The following PIP4P1 variants were observed in gnomAD, a reference collection of about 807,000 sequenced individuals.
PIP4P1 encodes type 1 phosphatidylinositol 4,5-bisphosphate 4-phosphatase.
In PIP4P1, 14 loss-of-function variants were observed where a neutral mutation model predicts 32.3. The ratio of observed to expected loss-of-function variants is 0.43; its 90% CI spans 0.29 to 0.68. The LOEUF (loss-of-function observed/expected upper bound fraction) is 0.68, where lower values mean the gene tolerates loss of function less well. Among genes scored for constraint, PIP4P1 ranks in the 30% least tolerant of loss-of-function variants. PIP4P1 has a pLI of 0.15. For missense variants in PIP4P1, 289 were observed against 364.5 expected (o/e 0.79, Z 1.69); for synonymous variants, 132 against 137.9 (o/e 0.96, Z 0.30).
rs1238907791 is a variant in PIP4P1 at position 20,461,242 on chromosome 14, G to T, written c.84C>A (p.Gly28=). Residue 28 remains glycine, a synonymous_variant, in exon 1 of 7, where the codon GGC becomes GGA. Transcript: ENST00000250489. ...CTCCCCCGGGCCCAGCCCCACTCCC[G>T]CCGGGCCCCACTAAACCGTTGCCGC... ...GAGGNGLVGP[G]GSGAGPGGGL... is the part of the protein sequence containing the mutation. The T allele has an allele frequency of 1.6e-6, 2 of 1,265,344 alleles. No individual in the cohort carries two copies. The highest frequency in any genetic ancestry group is 2.0e-6 in the Non-Finnish European group (2 of 1,000,656). 78.4% of individuals were successfully genotyped at this position (1,265,344 alleles called of 1,614,324 possible). A position where few individuals can be genotyped will look rare whatever the true frequency, so the allele number is the denominator to read the frequency against.
At position 20,461,428 on chromosome 14, in the gene PIP4P1, G is replaced by T; in HGVS notation, c.-103C>A. On this transcript the variant is annotated 5_prime_UTR_variant, in exon 1 of 7. Transcript: ENST00000250489. ...GCCGCCACCGCCACCGCCGCTACCGGGTCCCCAGGGCGCCTGCGCGCCGCG... is the reference window on the plus strand; with the variant it reads ...GCCGCCACCGCCACCGCCGCTACCGTGTCCCCAGGGCGCCTGCGCGCCGCG... 2 of 1,165,640 alleles carry T rather than the reference G, an allele frequency of 1.7e-6. No homozygotes were observed. The highest frequency in any genetic ancestry group is 2.2e-6 in the Non-Finnish European group (2 of 928,314). 72.2% of individuals were successfully genotyped at this position (1,165,640 alleles called of 1,614,324 possible).
In PIP4P1 at chr14:20,461,391, G is replaced by C; in HGVS notation, c.-66C>G. The C allele has an allele frequency of 8.1e-7, 1 of 1,228,160 alleles. No homozygotes were observed. Among genetic ancestry groups the C allele is most frequent in the Non-Finnish European group, 1.0e-6 (1 of 983,780 alleles). The allele number at this position is 1,228,160 out of a possible 1,614,324, so 76.1% of individuals were successfully genotyped here. A position where few individuals can be genotyped will look rare whatever the true frequency, so the allele number is the denominator to read the frequency against. On this transcript the variant is annotated 5_prime_UTR_variant, in exon 1 of 7. Transcript: ENST00000250489. Reference sequence around the variant, plus strand: ...TCCCTTCGCCTCTGCCGTCGCCGCAGCCACCGCCACCGCCGCCACCGCCAC... The same window carrying C: ...TCCCTTCGCCTCTGCCGTCGCCGCACCCACCGCCACCGCCGCCACCGCCAC...
rs533957544 is a variant in PIP4P1 at position 20,460,828 on chromosome 14, C to T, written c.160G>A (p.Glu54Lys). The change falls in exon 2 of 7, where the codon GAG becomes AAG. Residue 54 changes from glutamate (E) to lysine (K), a missense_variant. By Grantham distance (56) the Glu-to-Lys change is moderately conservative (BLOSUM62 1). Around this residue, in one of 2 missense-constraint regions of PIP4P1, gnomAD observed 108 missense variants for 101.2 expected, o/e 1.07. Coordinates refer to ENST00000250489, the MANE Select transcript of PIP4P1 (RefSeq NM_144568.4). ...PYGAAFPPFP[E>K]GHPAVLPGED... ...CCAGGCAACACGGCTGGATGCCCCT[C>T]GGGAAACGGGGGAAATGCTGGAGAG... 29 of 1,556,476 alleles carry T rather than the reference C, an allele frequency of 1.9e-5. No individual in the cohort carries two copies. The South Asian group carries it at 3.4e-4, about 18-fold the overall frequency.
chr14:20,459,344 T>A, intron 5 of PIP4P1, 44 bp downstream of exon 5: 1 of 1,614,214 alleles, frequency 6.2e-7, no homozygotes, highest in East Asian at 2.2e-5. Context: ...CCTTGTAGTT[T>A]TTACTCCATA....
intron 6 of PIP4P1, 93 bp from the exon 7 acceptor site, chr14:20,458,795 G>A (rs1255285045): frequency 1.1e-5 from 16 of 1,473,840 alleles, no homozygotes; most frequent in South Asian, 6.8e-5. Context: ...AATAACTCAC[G>A]CTTCAGTCCT....
chr14:20,459,301 G>A lies in PIP4P1; in HGVS notation c.600-5C>T, dbSNP rs201973492. The A allele has an allele frequency of 2.8e-3, 4,471 of 1,614,090 alleles. 11 individuals are homozygous for A. The highest frequency in any genetic ancestry group is 3.4e-3 in the Non-Finnish European group (4,039 of 1,180,036). ...TATCTGCGCCCAATAGATGACCTGT[G>A]GGGAGGCAAATAGAAATGGATGCTT... On this transcript the variant is annotated splice_region_variant and splice_polypyrimidine_tract_variant and intron_variant, in intron 5 of 6. Coordinates refer to ENST00000250489, the MANE Select transcript of PIP4P1 (RefSeq NM_144568.4).
In PIP4P1 at chr14:20,458,715, AGGAG is replaced by A. The variant is rs1881572823; in HGVS notation, c.691-17_691-14del. 6.2e-7 allele frequency: 1 copy of A among 1,605,844 alleles called. No homozygotes were observed. The highest frequency in any genetic ancestry group is 8.5e-7 in the Non-Finnish European group (1 of 1,176,748). ...TCCATGTGCCAAACTGATGAAGATA[AGGAG>A]GGAGAAGAAAAGAAAGATGGGGTTA... On this transcript the variant is annotated splice_polypyrimidine_tract_variant and intron_variant, in intron 6 of 6. Coordinates refer to ENST00000250489, the MANE Select transcript of PIP4P1 (RefSeq NM_144568.4).
In PIP4P1 at chr14:20,461,286, G is replaced by C. The variant is rs1881702745; in HGVS notation, c.40C>G (p.Pro14Ala). 1.3e-5 allele frequency: 17 copies of C among 1,291,588 alleles called. No individual in the cohort carries two copies. The highest frequency in any genetic ancestry group is 3.4e-5 in the South Asian group (1 of 29,274). The allele number at this position is 1,291,588 out of a possible 1,614,324, so 80.0% of individuals were successfully genotyped here. A position where few individuals can be genotyped will look rare whatever the true frequency, so the allele number is the denominator to read the frequency against. The change falls in exon 1 of 7, where the codon CCC becomes GCC. Residue 14 changes from proline to alanine, a missense_variant. Physicochemically the swap from Pro to Ala is conservative, Grantham distance 27 (BLOSUM62 -1). Coordinates refer to ENST00000250489, the MANE Select transcript of PIP4P1 (RefSeq NM_144568.4). ...DGERSPLLSEPIDGGAGGNGL... is the reference protein window; with the variant it reads ...DGERSPLLSEAIDGGAGGNGL... ...TTGCCGCCCGCGCCACCGTCGATGG[G>C]CTCAGACAGCAGCGGGGAACGCTCT... is the stretch of plus-strand genomic sequence containing the variant.
intron 3 of PIP4P1, 144 bp downstream of exon 3, chr14:20,460,048 A>C: frequency 1.4e-6 from 1 of 703,986 alleles, no homozygotes; most frequent in Non-Finnish European, 2.6e-6. Flanking sequence ...AAAGACAGCT[A>C]TAACATTCCT....
In PIP4P1 at chr14:20,460,494, T is replaced by A. The variant is rs151042731; in HGVS notation, c.333+161A>T. 956 of 802,494 alleles carry A rather than the reference T, an allele frequency of 1.2e-3. 6 individuals are homozygous for A. In the African/African-American group the frequency reaches 0.014, roughly 11 times the overall value. The allele number at this position is 802,494 out of a possible 1,614,324, so 49.7% of individuals were successfully genotyped here. A position where few individuals can be genotyped will look rare whatever the true frequency, so the allele number is the denominator to read the frequency against. The stretch of plus-strand genomic sequence containing the variant: ...GAGAGAAAGTGAACATTAGCTTTGG[T>A]GAGTGGCTTCTGGGGAAATGGCTGT... On this transcript the variant is annotated intron_variant, in intron 2 of 6. Transcript: ENST00000250489.
At chr14:20,460,005 C>A (rs1187410882) in intron 3 of PIP4P1, 187 bp downstream of exon 3, 2 of 637,326 alleles carry the variant, frequency 3.1e-6, no homozygotes, top group Non-Finnish European at 5.6e-6. Flanking sequence ...GAAACGACAT[C>A]ATTTCATCTC....
intron 3 of PIP4P1, 65 bp from the exon 4 acceptor site, chr14:20,459,798 C>G: frequency 7.8e-7 from 1 of 1,287,042 alleles, no homozygotes; most frequent in South Asian, 1.2e-5. Flanking sequence ...TCCTAAAAAT[C>G]TTCACAGTCC....
At position 20,459,269 on chromosome 14, in the gene PIP4P1, AC is replaced by A; in HGVS notation, c.626del (p.Arg209LeufsTer59). On this transcript the variant is annotated frameshift_variant, in exon 6 of 7. Coordinates refer to ENST00000250489, the MANE Select transcript of PIP4P1 (RefSeq NM_144568.4). LOFTEE classifies it high-confidence loss of function. ...KVSSIGRRYP[R>X]KRCICCFLLG... Reference sequence around the variant, plus strand: ...GCAAGAAGCAGCAGATACATCTCTTACGTGGGTATCTGCGCCCAATAGATGA... The same window carrying A: ...GCAAGAAGCAGCAGATACATCTCTTAGTGGGTATCTGCGCCCAATAGATGA... 5 of 1,614,268 alleles carry A rather than the reference AC, an allele frequency of 3.1e-6. No individual in the cohort carries two copies. Among genetic ancestry groups the A allele is most frequent in the Non-Finnish European group, 4.2e-6 (5 of 1,180,046 alleles).
rs376803423 is a variant in PIP4P1, at chr14:20,460,643, T to G, written c.333+12A>C. On this transcript the variant is annotated intron_variant, in intron 2 of 6. Coordinates refer to ENST00000250489, the MANE Select transcript of PIP4P1 (RefSeq NM_144568.4). ...GGAAACAGGGCCCATTTCATAGATA[T>G]GTGTAACTCACGGTGGCTTCATTGC... The G allele has an allele frequency of 1.5e-5, 24 of 1,612,286 alleles. No individual in the cohort carries two copies. The highest frequency in any genetic ancestry group is 1.3e-4 in the East Asian group (6 of 44,896).
At position 20,461,296 on chromosome 14, in the gene PIP4P1, C is replaced by T; in HGVS notation, c.30G>A (p.Leu10=). The T allele has an allele frequency of 7.7e-7, 1 of 1,291,468 alleles. No individual in the cohort carries two copies. The highest frequency in any genetic ancestry group is 3.4e-5 in the South Asian group (1 of 29,414). 80.0% of individuals were successfully genotyped at this position (1,291,468 alleles called of 1,614,324 possible). A position where few individuals can be genotyped will look rare whatever the true frequency, so the allele number is the denominator to read the frequency against. The change falls in exon 1 of 7, where the codon CTG becomes CTA. Residue 10 remains leucine (L), a synonymous_variant. Transcript: ENST00000250489. MAADGERSP[L]LSEPIDGGAG... is the part of the protein sequence containing the mutation. ...CGCCACCGTCGATGGGCTCAGACAG[C>T]AGCGGGGAACGCTCTCCATCTGCCG...
intron 3 of PIP4P1, 141 bp downstream of exon 3, chr14:20,460,051 A>G: frequency 1.4e-6 from 1 of 708,398 alleles, no homozygotes; most frequent in Non-Finnish European, 2.5e-6. Context: ...GACAGCTATA[A>G]CATTCCTGAG....
chr14:20,460,065 C>A, intron 3 of PIP4P1, 127 bp downstream of exon 3: 1 of 743,610 alleles, frequency 1.3e-6, no homozygotes, highest in Non-Finnish European at 2.4e-6. Flanking sequence ...TCCTGAGGCA[C>A]ATGCTTCAAA....
chr14:20,461,118 C>T, intron 1 of PIP4P1, 66 bp downstream of exon 1: 1 of 1,270,722 alleles, frequency 7.9e-7, no homozygotes, highest in Non-Finnish European at 9.9e-7. Flanking sequence ...CCCTCCCCGG[C>T]TTTCAGAGTA....
intron 3 of PIP4P1, 32 bp from the exon 4 acceptor site, chr14:20,459,765 A>T: frequency 3.1e-6 from 5 of 1,591,042 alleles, no homozygotes; most frequent in Non-Finnish European, 4.3e-6. Context: ...GTATTTTCAA[A>T]CTTGTGTTTG....
Sources: allele counts gnomAD v4.1 joint callset, GRCh38; gene constraint gnomAD v4.1.1; regional missense constraint gnomAD v4.1.1; transcripts MANE v1.5; gene names NCBI Gene and HGNC (gene_info 2026-07-23, HGNC 2026-07-21).